Variants in CDH13 observed in about 807,000 individuals in gnomAD.
The protein encoded by CDH13 is cadherin 13, also known as cadherin-13.
Under a neutral mutation model 63.8 loss-of-function variants are expected in CDH13, and 24 were observed. The ratio of observed to expected loss-of-function variants is 0.38; its 90% CI spans 0.27 to 0.53. The LOEUF is 0.53. Ranked by LOEUF, CDH13 falls within the 20% of genes least tolerant of loss-of-function variation. CDH13 has a pLI of 0.85. For missense variants in CDH13, 1,049 were observed against 903.1 expected (o/e 1.16, Z -2.07); for synonymous variants, 503 against 355.3 (o/e 1.42, Z -4.67).
At chr16:83,221,977 A>G (rs955672618) in intron 5 of CDH13, among the ~76,000 whole-genome samples, 1 of 152,230 alleles carries the variant, frequency 6.6e-6, no homozygotes, top group African/African-American at 2.4e-5. Context: ...CAGGTTCCCA[A>G]GATGTATTTT....
intron 7 of CDH13, among the ~76,000 whole-genome samples, chr16:83,580,579 CA>C (rs1905497204): frequency 6.6e-6 from 1 of 151,316 alleles, no homozygotes; most frequent in South Asian, 2.1e-4. Flanking sequence ...ACTGCAGCCT[CA>C]AACTCCTGAG....
At chr16:83,504,894 A>G (rs1353408159) in intron 7 of CDH13, among the ~76,000 whole-genome samples, 4 of 152,206 alleles carry the variant, frequency 2.6e-5, no homozygotes, top group South Asian at 2.1e-4. Context: ...TCTCATGGTG[A>G]CATGTCAACG....
In CDH13 at chr16:83,709,010, C is replaced by T. The variant is rs182318606; in HGVS notation, c.1538+30549C>T. On this transcript the variant is annotated intron_variant, in intron 10 of 13. Coordinates refer to ENST00000567109, the MANE Select transcript of CDH13 (RefSeq NM_001257.5). ...CTGCCCTCTAGTCTGGGCAACAGAG[C>T]GAGACCCTGTCTCAAAAAATTAAAT... Among the ~76,000 whole-genome samples the T allele has an allele frequency of 1.7e-4, 26 of 151,788 alleles. No homozygotes were observed. In the East Asian group the frequency reaches 3.5e-3, roughly 20 times the overall value.
At chr16:83,060,270 A>G (rs2151521123) in intron 3 of CDH13, among the ~76,000 whole-genome samples, 1 of 152,342 alleles carries the variant, frequency 6.6e-6, no homozygotes. Context: ...ATTAAAGAAT[A>G]TAGGTCATTT....
At chr16:83,667,301 G>T (rs1280542771) in intron 8 of CDH13, among the ~76,000 whole-genome samples, 1 of 152,128 alleles carries the variant, frequency 6.6e-6, no homozygotes, top group East Asian at 1.9e-4. Context: ...TTCAGCAGGT[G>T]CTGCAGACAT....
intron 2 of CDH13, among the ~76,000 whole-genome samples, chr16:82,960,179 G>A (rs1906755765): frequency 6.6e-6 from 1 of 152,190 alleles, no homozygotes; most frequent in South Asian, 2.1e-4. Context: ...AGAGGTGAGA[G>A]AGAGAGTCAA....
intron 1 of CDH13, among the ~76,000 whole-genome samples, chr16:82,649,660 A>C (rs554749355): frequency 6.6e-6 from 1 of 152,248 alleles, no homozygotes; most frequent in East Asian, 1.9e-4. Context: ...AAGAGATCCA[A>C]CAATAGGAAG....
intron 2 of CDH13, among the ~76,000 whole-genome samples, chr16:82,997,738 C>G (rs1210377449): frequency 6.6e-6 from 1 of 152,130 alleles, no homozygotes; most frequent in Non-Finnish European, 1.5e-5. Context: ...CTATATCTAA[C>G]ATAGAAGTTC....
rs769857590 is a variant in CDH13, at chr16:83,047,759, G to A, written c.366+15541G>A. On this transcript the variant is annotated intron_variant, in intron 3 of 13. Coordinates refer to ENST00000567109, the MANE Select transcript of CDH13 (RefSeq NM_001257.5). This position sits in a 1 kb window ranked among gnomAD's most constrained non-coding sequence, Gnocchi z 4.9. ...AATATTGATATTAATAATGCAGATC[G>A]TAGTCAATTTATTTAGCTCAAACGT... Among the ~76,000 whole-genome samples, 12 of 152,158 alleles carry A rather than the reference G, an allele frequency of 7.9e-5. No homozygotes were observed. Among genetic ancestry groups the A allele is most frequent in the Non-Finnish European group, 1.3e-4 (9 of 68,034 alleles).
rs375471865 is a variant in CDH13, at chr16:83,084,843, G to A, written c.367-40542G>A. ...GCAGAGGTTGCAGTGAGCCGAGATCGCACCATTGCACTCCAGCCTGGGCAA... is the reference window on the plus strand; with the variant it reads ...GCAGAGGTTGCAGTGAGCCGAGATCACACCATTGCACTCCAGCCTGGGCAA... On this transcript the variant is annotated intron_variant, in intron 3 of 13. Transcript: ENST00000567109. Among the ~76,000 whole-genome samples the A allele has an allele frequency of 6.1e-4, 93 of 152,280 alleles. No homozygotes were observed. The South Asian group carries it at 6.8e-3, about 11-fold the overall frequency.
At position 83,486,624 on chromosome 16, in the gene CDH13, C is replaced by A. The variant is rs550272728; in HGVS notation, c.929C>A (p.Thr310Asn). 6.2e-7 allele frequency: 1 copy of A among 1,613,822 alleles called. No homozygotes were observed. The highest frequency in any genetic ancestry group is 8.5e-7 in the Non-Finnish European group (1 of 1,179,838). The change falls in exon 7 of 14, where the codon ACT becomes AAT. Residue 310 changes from threonine (T) to asparagine (N), a missense_variant. Physicochemically the swap from Thr to Asn is moderately conservative, Grantham distance 65. Transcript: ENST00000567109. ...GATCCTGAGAAAGGAGACATTGTCA[C>A]TGTTGTGTCACCTGCGCTGCTGGAC... Reference protein sequence around the residue: ...YIDPEKGDIVTVVSPALLDRE... With the variant: ...YIDPEKGDIVNVVSPALLDRE...
intron 7 of CDH13, among the ~76,000 whole-genome samples, chr16:83,493,315 C>G (rs1054340664): frequency 1.3e-5 from 2 of 152,290 alleles, no homozygotes; most frequent in African/African-American, 4.8e-5. Flanking sequence ...TGGCAAGTTT[C>G]TTTAAATTGA....
rs537627482 is a variant in CDH13, at chr16:83,688,644, C to G, written c.1538+10183C>G. On this transcript the variant is annotated intron_variant, in intron 10 of 13. Transcript: ENST00000567109. ...GTTTTTAATGAGTTAAGATTTTTTT[C>G]TTTTTTAAGTCAACAAACACAGAGT... Among the ~76,000 whole-genome samples, 40 of 151,882 alleles carry G rather than the reference C, an allele frequency of 2.6e-4. 1 individual carries two copies. The South Asian group carries it at 8.3e-3, about 32-fold the overall frequency.
At chr16:83,160,593 G>T (rs933015426) in intron 4 of CDH13, among the ~76,000 whole-genome samples, 1 of 152,170 alleles carries the variant, frequency 6.6e-6, no homozygotes, top group African/African-American at 2.4e-5. Context: ...CCTTCCAAAA[G>T]GCCAGTTCCA....
chr16:83,372,082 G>A (rs1259836333), intron 6 of CDH13, among the ~76,000 whole-genome samples: 2 of 152,174 alleles, frequency 1.3e-5, no homozygotes, highest in Admixed American at 6.5e-5. Flanking sequence ...AACAATAACA[G>A]CATTGATGAG....
chr16:83,325,401 A>G (rs1253524140), intron 5 of CDH13, among the ~76,000 whole-genome samples: 1 of 152,136 alleles, frequency 6.6e-6, no homozygotes, highest in South Asian at 2.1e-4. Flanking sequence ...ATCTTTAACT[A>G]CTTCTTCCTT....
Position 83,172,675 on chromosome 16 carries a change from A to G in CDH13, c.484-44670A>G, listed in dbSNP as rs555201367. Among the ~76,000 whole-genome samples the G allele has an allele frequency of 3.5e-4, 53 of 152,194 alleles. 2 individuals are homozygous for G. The highest frequency in any genetic ancestry group is 6.6e-4 in the Non-Finnish European group (45 of 67,986). ...AGAAGCACCTTGATCTCAGATTTTCAGCCTCCATCACTGTGAGACAATCAA... is the reference window on the plus strand; with the variant it reads ...AGAAGCACCTTGATCTCAGATTTTCGGCCTCCATCACTGTGAGACAATCAA... On this transcript the variant is annotated intron_variant, in intron 4 of 13. Transcript: ENST00000567109.
intron 7 of CDH13, among the ~76,000 whole-genome samples, chr16:83,490,734 G>T (rs565917653): frequency 1.3e-5 from 2 of 152,188 alleles, no homozygotes; most frequent in African/African-American, 4.8e-5. Flanking sequence ...GGAAGACAGC[G>T]TGATTCACAC....
intron 2 of CDH13, among the ~76,000 whole-genome samples, chr16:83,020,958 CAT>C (rs1470494724): frequency 4.6e-5 from 7 of 152,216 alleles, no homozygotes; most frequent in Non-Finnish European, 8.8e-5. Flanking sequence ...GCTCTCTTCA[CAT>C]TAATTTACCC....
Sources: allele counts gnomAD v4.1 joint callset (sites outside exome capture counted in the v4.1 genomes callset), GRCh38; gene constraint gnomAD v4.1.1; non-coding constraint Gnocchi (gnomAD v3.1); transcripts MANE v1.5; gene names NCBI Gene and HGNC (gene_info 2026-07-23, HGNC 2026-07-21).